PRKCB: variants seen among roughly 807,000 people sequenced by gnomAD.
PRKCB encodes protein kinase C beta.
Under a neutral mutation model 81.5 loss-of-function variants are expected in PRKCB, and 13 were observed. The ratio of observed to expected loss-of-function variants is 0.16; its 90% CI spans 0.10 to 0.25. The LOEUF (loss-of-function observed/expected upper bound fraction) is 0.25. PRKCB is among the 10% of genes least tolerant of loss of function. PRKCB has a pLI of 1.00. For missense variants in PRKCB, 509 were observed against 875.7 expected, an observed-to-expected ratio of 0.58 and a Z score of 5.29; for synonymous variants, 335 against 321.4, an observed-to-expected ratio of 1.04 and a Z score of -0.45.
At chr16:23,927,384 G>A (rs1006440451) in intron 2 of PRKCB, among the ~76,000 whole-genome samples, 3 of 152,048 alleles carry the variant, frequency 2.0e-5, no homozygotes, top group Admixed American at 6.5e-5. Context: ...TGTGTTTAGG[G>A]ACAAGCTCAG....
intron 12 of PRKCB, among the ~76,000 whole-genome samples, chr16:24,176,393 A>G (rs1285516564): frequency 2.0e-5 from 3 of 152,220 alleles, no homozygotes; most frequent in African/African-American, 4.8e-5. Context: ...AGCCTGGGCA[A>G]CAGAGCAAGA....
chr16:24,074,089 C>T (rs548973337), intron 5 of PRKCB, among the ~76,000 whole-genome samples: 1 of 151,254 alleles, frequency 6.6e-6, no homozygotes, highest in South Asian at 2.1e-4. Context: ...GAGCCGAGAT[C>T]ATGCCACTGC....
At chr16:24,097,644 T>G (rs1966461088) in intron 7 of PRKCB, among the ~76,000 whole-genome samples, 1 of 152,134 alleles carries the variant, frequency 6.6e-6, no homozygotes, top group Non-Finnish European at 1.5e-5. Flanking sequence ...GAGATCCTGA[T>G]GACATGGGCC....
intron 2 of PRKCB, among the ~76,000 whole-genome samples, chr16:23,947,456 T>C (rs1291521456): frequency 2.0e-5 from 3 of 152,166 alleles, no homozygotes; most frequent in African/African-American, 7.2e-5. Flanking sequence ...TCATGTCCTT[T>C]CCCCTTTTTA....
intron 2 of PRKCB, among the ~76,000 whole-genome samples, chr16:23,862,987 C>A (rs928658474): frequency 2.0e-4 from 31 of 151,544 alleles, no homozygotes; most frequent in Non-Finnish European, 4.1e-4. Flanking sequence ...TTGATTATTG[C>A]AAAACAGAGT....
intron 5 of PRKCB, among the ~76,000 whole-genome samples, chr16:24,066,581 T>G (rs1169768357): frequency 6.6e-6 from 1 of 152,170 alleles, no homozygotes; most frequent in Non-Finnish European, 1.5e-5. Flanking sequence ...TAACACTAAT[T>G]AGTACTGTAT....
At chr16:23,948,435 G>A (rs572009273) in intron 2 of PRKCB, among the ~76,000 whole-genome samples, 9 of 152,094 alleles carry the variant, frequency 5.9e-5, no homozygotes, top group Non-Finnish European at 1.2e-4. Flanking sequence ...ATGGAGTCTT[G>A]CTCTGTTGCC....
intron 2 of PRKCB, among the ~76,000 whole-genome samples, chr16:23,857,365 G>A (rs560369490): frequency 6.6e-6 from 1 of 152,284 alleles, no homozygotes; most frequent in Admixed American, 6.5e-5. Context: ...CACAGAGGGA[G>A]GGAGGAGGAG....
intron 2 of PRKCB, among the ~76,000 whole-genome samples, chr16:23,881,446 T>C (rs1282837508): frequency 1.3e-5 from 2 of 151,984 alleles, no homozygotes; most frequent in African/African-American, 2.4e-5. Flanking sequence ...GAGACGGGGT[T>C]TCATCATGTT....
intron 5 of PRKCB, among the ~76,000 whole-genome samples, chr16:24,037,839 G>A (rs1335032539): frequency 1.3e-5 from 2 of 150,540 alleles, no homozygotes; most frequent in African/African-American, 4.9e-5. Flanking sequence ...ACCACAAACT[G>A]GGTGGCTTAA....
At chr16:24,136,516 T>G (rs1966865279) in intron 9 of PRKCB, among the ~76,000 whole-genome samples, 1 of 152,128 alleles carries the variant, frequency 6.6e-6, no homozygotes, top group Non-Finnish European at 1.5e-5. Flanking sequence ...CAGCCTGTCA[T>G]CCCTGCTTCT....
At chr16:24,172,756 G>T (rs1967463251) in intron 11 of PRKCB, among the ~76,000 whole-genome samples, 1 of 152,202 alleles carries the variant, frequency 6.6e-6, no homozygotes, top group Non-Finnish European at 1.5e-5. Flanking sequence ...AAAACTCAAA[G>T]CTCTAAAACC....
At chr16:24,062,158 A>C (rs1331725626) in intron 5 of PRKCB, among the ~76,000 whole-genome samples, 1 of 152,216 alleles carries the variant, frequency 6.6e-6, no homozygotes, top group Non-Finnish European at 1.5e-5. Context: ...GTGGGCTTAA[A>C]ACAACATTCT....
chr16:24,220,079 C>T lies in PRKCB; in HGVS notation c.*5263C>T. 1 of 1,614,152 alleles carries T rather than the reference C, an allele frequency of 6.2e-7. No homozygotes were observed. The highest frequency in any genetic ancestry group is 8.5e-7 in the Non-Finnish European group (1 of 1,180,002). ...GACCAAAATGAATTTGCTGGCTTCT[C>T]TTATACTAACCCAGAGTTTGTCATT... On this transcript the variant is annotated 3_prime_UTR_variant, in exon 17 of 17. Coordinates refer to ENST00000643927, the MANE Select transcript of PRKCB (RefSeq NM_002738.7).
At chr16:24,150,771 G>A (rs578136169) in intron 9 of PRKCB, among the ~76,000 whole-genome samples, 28 of 152,254 alleles carry the variant, frequency 1.8e-4, no homozygotes, top group African/African-American at 6.5e-4. Context: ...AGACCGTCCC[G>A]CAAAGCCTAT....
At chr16:23,851,513 G>A (rs983850387) in intron 2 of PRKCB, among the ~76,000 whole-genome samples, 5 of 152,110 alleles carry the variant, frequency 3.3e-5, no homozygotes, top group African/African-American at 9.7e-5. Flanking sequence ...AAATTAAGTC[G>A]TGTGATTCCT....
intron 3 of PRKCB, among the ~76,000 whole-genome samples, chr16:24,008,846 T>C (rs1965163266): frequency 6.6e-6 from 1 of 152,210 alleles, no homozygotes; most frequent in African/African-American, 2.4e-5. Flanking sequence ...TGGTAAGTAA[T>C]TCCCCATTTT....
intron 2 of PRKCB, among the ~76,000 whole-genome samples, chr16:23,879,156 C>A (rs28508212): frequency 0.48 from 71,843 of 150,788 alleles, 17,865 homozygotes; most frequent in East Asian, 0.62. Context: ...CCAGCCTGGG[C>A]GACAGAATGA....
At chr16:24,133,590 C>G (rs993002532) in intron 9 of PRKCB, among the ~76,000 whole-genome samples, 5 of 152,204 alleles carry the variant, frequency 3.3e-5, no homozygotes, top group African/African-American at 1.2e-4. Context: ...CTCTACTGCC[C>G]AGCTGCACCC....
Sources: gnomAD v4.1 joint callset for allele counts (sites outside exome capture counted in the v4.1 genomes callset) on GRCh38, gnomAD v4.1.1 for gene constraint, MANE v1.5 for transcripts, NCBI Gene and HGNC (gene_info 2026-07-23, HGNC 2026-07-21) for gene names.